The following IFT57 variants were observed in gnomAD, a reference collection of about 807,000 sequenced individuals.
The protein encoded by IFT57 is intraflagellar transport protein 57 homolog.
In IFT57, 59 loss-of-function variants were observed where a neutral mutation model predicts 56.8. The observed-to-expected ratio is 1.04, with a 90% CI of 0.84 to 1.29. IFT57 has a LOEUF of 1.29. IFT57 is among the 50% of genes most tolerant of loss of function. The probability of loss-of-function intolerance (pLI) is 0.00; values close to 1 mark genes in which losing one functional copy is unlikely to be tolerated. For synonymous variants in IFT57, 209 were observed against 186.1 expected (o/e 1.12, Z -1.00); for missense variants, 470 against 522.1 (o/e 0.90, Z 0.97).
At chr3:108,166,790 G>T in intron 8 of IFT57, 64 bp downstream of exon 8, 1 of 1,372,368 alleles carries the variant, frequency 7.3e-7, no homozygotes, top group Non-Finnish European at 1.0e-6. Flanking sequence ...GAACAGTATT[G>T]TGTCAAGTTT....
At chr3:108,198,778 T>C (rs1180604600) in intron 5 of IFT57, among the ~76,000 whole-genome samples, 2 of 152,174 alleles carry the variant, frequency 1.3e-5, no homozygotes, top group African/African-American at 4.8e-5. Flanking sequence ...TATTATTTGT[T>C]ATTGTGATCC....
intron 5 of IFT57, 67 bp downstream of exon 5, chr3:108,206,561 T>C: frequency 1.4e-6 from 1 of 690,350 alleles, no homozygotes; most frequent in Middle Eastern, 2.7e-4. Context: ...TTTCTACTCA[T>C]TTAAATTTCC....
intron 6 of IFT57, among the ~76,000 whole-genome samples, chr3:108,183,189 C>A (rs764250239): frequency 1.3e-5 from 2 of 151,798 alleles, no homozygotes; most frequent in Non-Finnish European, 2.9e-5. Context: ...AAAAAACTTG[C>A]CTTGAAAAAA....
chr3:108,204,589 TA>T (rs1195969820), intron 5 of IFT57, among the ~76,000 whole-genome samples: 1 of 152,246 alleles, frequency 6.6e-6, no homozygotes, highest in African/African-American at 2.4e-5. Context: ...TTTCCAAGAA[TA>T]ACTGTGTGCA....
intron 6 of IFT57, among the ~76,000 whole-genome samples, chr3:108,180,465 A>G (rs1044504356): frequency 2.6e-5 from 4 of 151,984 alleles, no homozygotes; most frequent in African/African-American, 9.7e-5. Flanking sequence ...GGAACACCAG[A>G]ACAGGTGACC....
intron 6 of IFT57, among the ~76,000 whole-genome samples, chr3:108,182,953 T>C (rs1439289980): frequency 2.0e-5 from 3 of 152,096 alleles, no homozygotes; most frequent in African/African-American, 7.2e-5. Context: ...CTAATTACAA[T>C]ATCCACAGGG....
chr3:108,164,862 T>C (rs1219679806), intron 9 of IFT57, among the ~76,000 whole-genome samples: 15 of 152,108 alleles, frequency 9.9e-5, no homozygotes, highest in Non-Finnish European at 2.2e-4. Flanking sequence ...CTGACCTTTT[T>C]TCAAGGTTTT....
At chr3:108,194,730 A>G (rs976787363) in intron 5 of IFT57, among the ~76,000 whole-genome samples, 1 of 152,198 alleles carries the variant, frequency 6.6e-6, no homozygotes, top group African/African-American at 2.4e-5. Context: ...CCAAGAACAT[A>G]CATTGTGGAA....
chr3:108,193,174 A>C (rs1437177862), intron 5 of IFT57, among the ~76,000 whole-genome samples: 3 of 152,232 alleles, frequency 2.0e-5, no homozygotes, highest in African/African-American at 7.2e-5. Flanking sequence ...TCATTGGATT[A>C]GTCTTTCCAA....
intron 6 of IFT57, among the ~76,000 whole-genome samples, chr3:108,170,871 C>A (rs976638997): frequency 6.6e-6 from 1 of 151,696 alleles, no homozygotes; most frequent in East Asian, 1.9e-4. Context: ...ATCTGATCTT[C>A]GACAAACCTG....
intron 6 of IFT57, among the ~76,000 whole-genome samples, chr3:108,169,264 A>G (rs537412765): frequency 1.1e-4 from 17 of 151,408 alleles, no homozygotes; most frequent in Non-Finnish European, 1.8e-4. Context: ...TTTTTATCAT[A>G]TGTTTTTTGG....
chr3:108,172,061 T>C (rs1484588606), intron 6 of IFT57, among the ~76,000 whole-genome samples: 1 of 151,956 alleles, frequency 6.6e-6, no homozygotes, highest in Non-Finnish European at 1.5e-5. Flanking sequence ...ATTTTTGCCA[T>C]GCATTGACAT....
At chr3:108,186,114 CTG>C (rs1488476781) in intron 6 of IFT57, among the ~76,000 whole-genome samples, 1 of 152,088 alleles carries the variant, frequency 6.6e-6, no homozygotes, top group East Asian at 1.9e-4. Context: ...ATTGTCAACA[CTG>C]TGGATCCCCA....
At chr3:108,184,030 T>G (rs879293502) in intron 6 of IFT57, among the ~76,000 whole-genome samples, 1 of 152,170 alleles carries the variant, frequency 6.6e-6, no homozygotes, top group Admixed American at 6.6e-5. Flanking sequence ...TTTTTAATTA[T>G]GTAGGAAAGT....
intron 5 of IFT57, among the ~76,000 whole-genome samples, chr3:108,193,711 T>C (rs985855296): frequency 5.3e-5 from 8 of 152,182 alleles, no homozygotes; most frequent in African/African-American, 1.9e-4. Context: ...TGAAGTTACA[T>C]GAGAATGTGT....
chr3:108,199,415 A>C (rs1003135353), intron 5 of IFT57, among the ~76,000 whole-genome samples: 1 of 152,246 alleles, frequency 6.6e-6, no homozygotes. Context: ...CCAAGTGTTT[A>C]CAGTGAGGAA....
At chr3:108,176,005 A>G (rs1369650227) in intron 6 of IFT57, among the ~76,000 whole-genome samples, 1 of 151,820 alleles carries the variant, frequency 6.6e-6, no homozygotes, top group African/African-American at 2.4e-5. Context: ...AAAAAGCAAG[A>G]GCAGAGCTCC....
chr3:108,219,607 G>A, intron 1 of IFT57, 35 bp from the exon 2 acceptor site: 1 of 1,598,470 alleles, frequency 6.3e-7, no homozygotes. Context: ...GGGCGGATGT[G>A]AAATAATGCA....
chr3:108,174,048 A>T (rs187201727), intron 6 of IFT57, among the ~76,000 whole-genome samples: 19 of 123,764 alleles, frequency 1.5e-4, no homozygotes, highest in Admixed American at 3.3e-4. Context: ...GTGTGTGTTT[A>T]AGACAGGGAT....
Sources: allele counts gnomAD v4.1 joint callset (sites outside exome capture counted in the v4.1 genomes callset), GRCh38; gene constraint gnomAD v4.1.1; transcripts MANE v1.5; gene names NCBI Gene and HGNC (gene_info 2026-07-23, HGNC 2026-07-21).